Variants in FLT1 observed in about 807,000 individuals in gnomAD.
FLT1 encodes the protein vascular endothelial growth factor receptor 1.
In FLT1, 49 loss-of-function variants were observed where a neutral mutation model predicts 156.3. The ratio of observed to expected loss-of-function variants is 0.31; its 90% CI spans 0.25 to 0.40. The LOEUF (loss-of-function observed/expected upper bound fraction) is 0.40. Ranked by LOEUF, FLT1 falls within the 10% of genes least tolerant of loss-of-function variation. The pLI, the probability that FLT1 is intolerant of heterozygous loss-of-function variation, is 1.00. For synonymous variants in FLT1, 594 were observed against 583.8 expected, an observed-to-expected ratio of 1.02 and a Z score of -0.25; for missense variants, 1,322 against 1,637.2, an observed-to-expected ratio of 0.81 and a Z score of 3.32.
At chr13:28,321,329 T>C (rs1871452351) in intron 23 of FLT1, 134 bp downstream of exon 23, 2 of 1,107,162 alleles carry the variant, frequency 1.8e-6, no homozygotes, top group Admixed American at 3.4e-5. Context: ...GCCGCTCATC[T>C]GGACTGTTTG....
At chr13:28,445,803 C>T (rs1317759301) in intron 3 of FLT1, among the ~76,000 whole-genome samples, 1 of 152,156 alleles carries the variant, frequency 6.6e-6, no homozygotes, top group East Asian at 1.9e-4. Context: ...AGAAAACTTT[C>T]CAACTCATTC....
Position 28,300,627 on chromosome 13 carries a change from C to G in FLT1, c.*2540G>C. 4.3e-6 allele frequency: 1 copy of G among 232,722 alleles called. No individual in the cohort carries two copies. The highest frequency in any genetic ancestry group is 8.5e-6 in the Non-Finnish European group (1 of 117,990). The allele number at this position is 232,722 out of a possible 1,614,324, so 14.4% of individuals were successfully genotyped here. A position where few individuals can be genotyped will look rare whatever the true frequency, so the allele number is the denominator to read the frequency against. ...CAATTTAAATGAGGCTAGCGAGTATCTGTTTGATGTTTGCATTCTTGTGGG... is the reference window on the plus strand; with the variant it reads ...CAATTTAAATGAGGCTAGCGAGTATGTGTTTGATGTTTGCATTCTTGTGGG... On this transcript the variant is annotated 3_prime_UTR_variant, in exon 30 of 30. Transcript: ENST00000282397.
At position 28,300,523 on chromosome 13, in the gene FLT1, A is replaced by ACACACCCACACACC. The variant is rs879763229; in HGVS notation, c.*2643_*2644insGGTGTGTGGGTGTG. 9.3e-3 allele frequency: 143 copies of ACACACCCACACACC among 15,344 alleles called. No individual in the cohort carries two copies. Among genetic ancestry groups the ACACACCCACACACC allele is most frequent in the Admixed American group, 0.021 (8 of 376 alleles). 1.0% of individuals were successfully genotyped at this position (15,344 alleles called of 1,614,324 possible). ...TTATGCACAAAACACACATACACCC[A>ACACACCCACACACC]CACACACACACACACACACACACAC... On this transcript the variant is annotated 3_prime_UTR_variant, in exon 30 of 30. Coordinates refer to ENST00000282397, the MANE Select transcript of FLT1 (RefSeq NM_002019.4).
intron 29 of FLT1, among the ~76,000 whole-genome samples, chr13:28,303,862 C>G (rs377574589): frequency 6.6e-6 from 1 of 152,274 alleles, no homozygotes; most frequent in African/African-American, 2.4e-5. Context: ...TAAAGCTCCA[C>G]ACACACAAGT....
chr13:28,341,740 T>G (rs777768976), intron 16 of FLT1, among the ~76,000 whole-genome samples: 1 of 152,204 alleles, frequency 6.6e-6, no homozygotes, highest in Admixed American at 6.5e-5. Context: ...CCAATCCCTT[T>G]CAAATTTTAC....
At chr13:28,401,037 C>CTTGATT (rs1875399945) in intron 11 of FLT1, among the ~76,000 whole-genome samples, 1 of 152,068 alleles carries the variant, frequency 6.6e-6, no homozygotes, top group African/African-American at 2.4e-5. Context: ...ATCAGCCTGG[C>CTTGATT]TAACAAGACG....
intron 1 of FLT1, among the ~76,000 whole-genome samples, chr13:28,476,327 G>A (rs942539708): frequency 6.6e-6 from 1 of 152,212 alleles, no homozygotes; most frequent in African/African-American, 2.4e-5. Context: ...TGACTTGAAT[G>A]TGGCAAGAGT....
intron 3 of FLT1, among the ~76,000 whole-genome samples, chr13:28,463,015 C>T (rs1279104103): frequency 2.0e-5 from 3 of 152,072 alleles, no homozygotes; most frequent in South Asian, 2.1e-4. Context: ...ATTCTTGGTC[C>T]TTTGCTTGTA....
chr13:28,406,028 G>C (rs879624736), intron 10 of FLT1, 134 bp from the exon 11 acceptor site: 8 of 674,560 alleles, frequency 1.2e-5, no homozygotes, highest in Non-Finnish European at 2.1e-5. Context: ...CTTTTCCTTA[G>C]ATTTTTTCCT....
Position 28,322,512 on chromosome 13 carries a change from G to A in FLT1, c.2954-153C>T, listed in dbSNP as rs1593679446. Reference sequence around the variant, plus strand: ...TATTTGAGTTTCAACATGAACACCAGAGATTTTTCCAGGCCTCCAGCCCAC... The same window carrying A: ...TATTTGAGTTTCAACATGAACACCAAAGATTTTTCCAGGCCTCCAGCCCAC... On this transcript the variant is annotated intron_variant, in intron 21 of 29. Coordinates refer to ENST00000282397, the MANE Select transcript of FLT1 (RefSeq NM_002019.4). The surrounding 1 kb of genome is among the most constrained non-coding windows in gnomAD (Gnocchi z 4.3). 3 of 732,572 alleles carry A rather than the reference G, an allele frequency of 4.1e-6. No individual in the cohort carries two copies. In the East Asian group the frequency reaches 8.0e-5, roughly 20 times the overall value. 45.4% of individuals were successfully genotyped at this position (732,572 alleles called of 1,614,324 possible).
intron 14 of FLT1, among the ~76,000 whole-genome samples, chr13:28,380,298 A>G (rs1017793710): frequency 6.6e-6 from 1 of 152,228 alleles, no homozygotes; most frequent in Admixed American, 6.5e-5. Flanking sequence ...TAGTCATAAA[A>G]GAGTTGGCAG....
At chr13:28,407,369 CT>C (rs67075907) in intron 10 of FLT1, among the ~76,000 whole-genome samples, 42,344 of 151,698 alleles carry the variant, frequency 0.28, 6,254 homozygotes, top group East Asian at 0.44. Context: ...TCATCTACCC[CT>C]TTTTTTTCTT....
intron 3 of FLT1, among the ~76,000 whole-genome samples, chr13:28,447,401 G>A (rs886993323): frequency 6.6e-6 from 1 of 151,656 alleles, no homozygotes; most frequent in African/African-American, 2.4e-5. Flanking sequence ...TGCCAGGGCT[G>A]GTCTCAAACT....
intron 1 of FLT1, among the ~76,000 whole-genome samples, chr13:28,474,692 G>A (rs1460956369): frequency 1.3e-5 from 2 of 152,128 alleles, no homozygotes; most frequent in African/African-American, 2.4e-5. Context: ...CTGATAATCA[G>A]TATTGGGTTT....
chr13:28,468,049 T>C (rs1879947673), intron 1 of FLT1, among the ~76,000 whole-genome samples: 1 of 152,246 alleles, frequency 6.6e-6, no homozygotes, highest in South Asian at 2.1e-4. Flanking sequence ...TCTAGTCCTA[T>C]AGGCCTGTCT....
In FLT1 at chr13:28,433,852, C is replaced by A. The variant is rs56405013; in HGVS notation, c.780G>T (p.Thr260=). ...LNCTATTPLN[T]RVQMTWSYPD... is the part of the protein sequence containing the mutation. ...GGTAACTCCAGGTCATTTGAACTCT[C>A]GTGTTCAAGGGAGTGGTAGCAGTAC... is the stretch of plus-strand genomic sequence containing the variant. Residue 260 remains threonine, a synonymous_variant, in exon 6 of 30, where the codon ACG becomes ACT. Transcript: ENST00000282397. 1 of 1,613,170 alleles carries A rather than the reference C, an allele frequency of 6.2e-7. No individual in the cohort carries two copies. The highest frequency in any genetic ancestry group is 1.7e-5 in the Admixed American group (1 of 60,020).
At position 28,329,514 on chromosome 13, in the gene FLT1, G is replaced by A. The variant is rs1046774385; in HGVS notation, c.2707+101C>T. The A allele has an allele frequency of 6.0e-6, 5 of 835,266 alleles. No individual in the cohort carries two copies. In the African/African-American group the frequency reaches 8.3e-5, roughly 14 times the overall value. The allele number at this position is 835,266 out of a possible 1,614,324, so 51.7% of individuals were successfully genotyped here. A position where few individuals can be genotyped will look rare whatever the true frequency, so the allele number is the denominator to read the frequency against. On this transcript the variant is annotated intron_variant, in intron 19 of 29. Coordinates refer to ENST00000282397, the MANE Select transcript of FLT1 (RefSeq NM_002019.4). ...TATTAGGGAGGCCGTTTTCCTGGAG[G>A]CGAGGAAGCACAGTGCGGGGGAGAA...
At chr13:28,454,322 T>C (rs1370979185) in intron 3 of FLT1, among the ~76,000 whole-genome samples, 1 of 152,214 alleles carries the variant, frequency 6.6e-6, no homozygotes, top group East Asian at 1.9e-4. Context: ...CTTCTCATTT[T>C]ACAGTTGAGA....
intron 15 of FLT1, among the ~76,000 whole-genome samples, chr13:28,349,195 A>G (rs575620318): frequency 6.6e-6 from 1 of 152,320 alleles, no homozygotes; most frequent in Non-Finnish European, 1.5e-5. Context: ...AGACATCCTG[A>G]AAATAGTGGT....
Sources: allele counts gnomAD v4.1 joint callset (sites outside exome capture counted in the v4.1 genomes callset), GRCh38; gene constraint gnomAD v4.1.1; non-coding constraint Gnocchi (gnomAD v3.1); transcripts MANE v1.5; gene names NCBI Gene and HGNC (gene_info 2026-07-23, HGNC 2026-07-21).